Variants in ADAM10 observed in about 807,000 individuals in gnomAD.
ADAM10 encodes disintegrin and metalloproteinase domain-containing protein 10.
ADAM10 carries 17 observed loss-of-function variants against 90.1 expected under a neutral mutation model. The observed-to-expected ratio is 0.19, with a 90% CI of 0.13 to 0.28. The LOEUF (loss-of-function observed/expected upper bound fraction) is 0.28. Ranked by LOEUF, ADAM10 falls within the 10% of genes least tolerant of loss-of-function variation. The probability of loss-of-function intolerance (pLI) is 1.00; values close to 1 mark genes in which losing one functional copy is unlikely to be tolerated. For missense variants in ADAM10, 610 were observed against 914.3 expected (o/e 0.67, Z 4.29); for synonymous variants, 310 against 298.6 (o/e 1.04, Z -0.40).
At chr15:58,645,903 C>A in intron 6 of ADAM10, 152 bp downstream of exon 6, 1 of 758,712 alleles carries the variant, frequency 1.3e-6, no homozygotes, top group Non-Finnish European at 2.1e-6. Flanking sequence ...TTTCAGTTAT[C>A]CATGTACTTA....
chr15:58,603,928 C>A, intron 14 of ADAM10, among the ~76,000 whole-genome samples: 1 of 133,894 alleles, frequency 7.5e-6, no homozygotes, highest in African/African-American at 2.8e-5. Context: ...ATTACTTTGT[C>A]AACTAAAAAA....
intron 10 of ADAM10, among the ~76,000 whole-genome samples, chr15:58,622,467 C>T (rs1338400294): frequency 3.9e-5 from 6 of 152,066 alleles, no homozygotes; most frequent in Admixed American, 3.9e-4. Flanking sequence ...TATTTTTACA[C>T]CATTGATCTG....
intron 1 of ADAM10, among the ~76,000 whole-genome samples, chr15:58,722,887 A>C (rs1251566879): frequency 6.6e-6 from 1 of 151,832 alleles, no homozygotes; most frequent in Non-Finnish European, 1.5e-5. Context: ...ACGCACCACT[A>C]TGCCTGGCTA....
intron 1 of ADAM10, among the ~76,000 whole-genome samples, chr15:58,737,999 C>A (rs1486231594): frequency 6.6e-6 from 1 of 152,024 alleles, no homozygotes; most frequent in East Asian, 1.9e-4. Flanking sequence ...GGAAAATCTG[C>A]AATAATGTTT....
intron 2 of ADAM10, among the ~76,000 whole-genome samples, chr15:58,709,366 T>C (rs575014059): frequency 9.2e-5 from 14 of 152,154 alleles, no homozygotes; most frequent in Non-Finnish European, 1.8e-4. Context: ...AAACAATATA[T>C]AGGCTTTTCT....
chr15:58,686,713 T>C (rs1158405674), intron 2 of ADAM10: 2 of 643,060 alleles, frequency 3.1e-6, no homozygotes, highest in African/African-American at 1.8e-5. Flanking sequence ...CCCTAACTTT[T>C]AGAGATATTT....
chr15:58,722,383 A>C (rs1203343950), intron 1 of ADAM10, among the ~76,000 whole-genome samples: 1 of 151,756 alleles, frequency 6.6e-6, no homozygotes, highest in African/African-American at 2.4e-5. Context: ...TAAATAATAC[A>C]AAAAAACTAG....
intron 1 of ADAM10, chr15:58,748,330 C>CA (rs1282927556): frequency 3.3e-5 from 5 of 152,320 alleles, no homozygotes; most frequent in African/African-American, 1.2e-4. Flanking sequence ...TCTAAATTAT[C>CA]AAAGGCTACA....
intron 2 of ADAM10, among the ~76,000 whole-genome samples, chr15:58,713,761 T>G (rs900607399): frequency 5.9e-5 from 9 of 152,202 alleles, no homozygotes; most frequent in Admixed American, 5.9e-4. Flanking sequence ...ACTTTTATTT[T>G]CAAACAACTT....
rs57199536 is a variant in ADAM10, at chr15:58,689,944, AC to A, written c.207-7631del. On this transcript the variant is annotated intron_variant, in intron 2 of 15. Transcript: ENST00000260408. ...ACTCTGATTCCAAAACCAAAGACAG[AC>A]CCCCCCCAAAAAAAAAAAAAAAAGA... 4.8e-4 allele frequency among the ~76,000 whole-genome samples: 36 copies of A among 75,262 alleles called. 1 individual carries two copies. In the Middle Eastern group the frequency reaches 0.019, roughly 39 times the overall value. 49.4% of individuals were successfully genotyped at this position (75,262 alleles called of 152,430 possible). A position where few individuals can be genotyped will look rare whatever the true frequency, so the allele number is the denominator to read the frequency against.
At chr15:58,718,897 G>A (rs989274457) in intron 1 of ADAM10, among the ~76,000 whole-genome samples, 1 of 152,068 alleles carries the variant, frequency 6.6e-6, no homozygotes, top group African/African-American at 2.4e-5. Flanking sequence ...AAGTTCCCTG[G>A]ACTCTACCTA....
intron 15 of ADAM10, among the ~76,000 whole-genome samples, chr15:58,598,674 ATGTC>A (rs1895024669): frequency 1.3e-5 from 2 of 152,238 alleles, no homozygotes; most frequent in African/African-American, 2.4e-5. Flanking sequence ...CCCTGAGACA[ATGTC>A]TGTCCTCACA....
chr15:58,635,439 C>A (rs928631253), intron 8 of ADAM10, among the ~76,000 whole-genome samples: 56 of 151,820 alleles, frequency 3.7e-4, no homozygotes, highest in African/African-American at 1.3e-3. Flanking sequence ...CAAATTTAAC[C>A]CAGCAAGGGG....
intron 2 of ADAM10, among the ~76,000 whole-genome samples, chr15:58,698,727 G>C (rs79459534): frequency 1.3e-5 from 2 of 151,950 alleles, no homozygotes; most frequent in Non-Finnish European, 2.9e-5. Flanking sequence ...ACAACTTTAA[G>C]ACAGGTATTT....
intron 4 of ADAM10, chr15:58,676,136 G>C (rs1293109676): frequency 1.1e-5 from 4 of 356,134 alleles, no homozygotes; most frequent in African/African-American, 8.6e-5. Flanking sequence ...ATTTTAGAGA[G>C]GCTTACAGAT....
At chr15:58,726,477 A>G (rs949359545) in intron 1 of ADAM10, among the ~76,000 whole-genome samples, 1 of 145,446 alleles carries the variant, frequency 6.9e-6, no homozygotes, top group Non-Finnish European at 1.5e-5. Flanking sequence ...AGGCATGAGA[A>G]TCGCTTAAAC....
At chr15:58,614,528 T>C (rs1210279802) in intron 11 of ADAM10, among the ~76,000 whole-genome samples, 1 of 152,084 alleles carries the variant, frequency 6.6e-6, no homozygotes, top group Non-Finnish European at 1.5e-5. Flanking sequence ...GATAATATGT[T>C]CAAAGTACTG....
intron 2 of ADAM10, among the ~76,000 whole-genome samples, chr15:58,696,529 G>A (rs1201934121): frequency 2.7e-5 from 4 of 148,746 alleles, no homozygotes; most frequent in African/African-American, 1.0e-4. Context: ...GCAATGCAGC[G>A]ATCTCGGCTC....
At chr15:58,713,628 T>C (rs1482072467) in intron 2 of ADAM10, among the ~76,000 whole-genome samples, 1 of 152,222 alleles carries the variant, frequency 6.6e-6, no homozygotes, top group African/African-American at 2.4e-5. Context: ...AAACTGATTC[T>C]TAATTTCTCA....
Sources: allele counts gnomAD v4.1 joint callset (sites outside exome capture counted in the v4.1 genomes callset), GRCh38; gene constraint gnomAD v4.1.1; transcripts MANE v1.5; gene names NCBI Gene and HGNC (gene_info 2026-07-23, HGNC 2026-07-21).